Variants in TDRD5 observed in about 807,000 individuals in gnomAD.
The protein encoded by TDRD5 is tudor domain-containing protein 5.
Under a neutral mutation model 120.6 loss-of-function variants are expected in TDRD5, and 41 were observed. That is an observed-to-expected ratio of 0.34 (90% CI 0.26 to 0.44). TDRD5 has a LOEUF of 0.44. TDRD5 is among the 20% of genes least tolerant of loss of function. The pLI is 1.00. For synonymous variants in TDRD5, 430 were observed against 433.7 expected (o/e 0.99, Z 0.11); for missense variants, 1,006 against 1,221.2 (o/e 0.82, Z 2.63).
At chr1:179,638,268 G>T (rs1677878223) in intron 9 of TDRD5, among the ~76,000 whole-genome samples, 1 of 128,006 alleles carries the variant, frequency 7.8e-6, no homozygotes, top group Non-Finnish European at 1.7e-5. Context: ...TAGAAAGGAA[G>T]AGATAAATTG....
intron 17 of TDRD5, among the ~76,000 whole-genome samples, chr1:179,688,921 T>G (rs1374007105): frequency 6.6e-6 from 1 of 152,248 alleles, no homozygotes; most frequent in African/African-American, 2.4e-5. Context: ...TTCTCTATGA[T>G]GTTTATTCTA....
intron 14 of TDRD5, among the ~76,000 whole-genome samples, chr1:179,660,752 G>T (rs1558414383): frequency 6.6e-6 from 1 of 152,040 alleles, no homozygotes; most frequent in African/African-American, 2.4e-5. Context: ...GAGAATAGTT[G>T]TTATATATAC....
chr1:179,626,253 A>G (rs954587755), intron 6 of TDRD5, among the ~76,000 whole-genome samples: 2 of 152,210 alleles, frequency 1.3e-5, no homozygotes, highest in South Asian at 2.1e-4. Context: ...AACAGCTGAT[A>G]CATGAACCAG....
chr1:179,671,359 T>A (rs922758033), intron 17 of TDRD5, among the ~76,000 whole-genome samples: 6 of 152,220 alleles, frequency 3.9e-5, no homozygotes, highest in African/African-American at 1.2e-4. Flanking sequence ...CTTGTCAGTA[T>A]CTGCACAAAG....
At chr1:179,609,888 T>C (rs1676190251) in intron 4 of TDRD5, among the ~76,000 whole-genome samples, 1 of 152,148 alleles carries the variant, frequency 6.6e-6, no homozygotes, top group Admixed American at 6.5e-5. Flanking sequence ...TCTGTGTCAC[T>C]CCTCCTTTTC....
intron 14 of TDRD5, among the ~76,000 whole-genome samples, chr1:179,659,764 C>T (rs1036900921): frequency 6.6e-6 from 1 of 152,014 alleles, no homozygotes; most frequent in Non-Finnish European, 1.5e-5. Flanking sequence ...ATGGCATGAT[C>T]TCAGCTCACC....
intron 17 of TDRD5, among the ~76,000 whole-genome samples, chr1:179,677,821 T>C (rs1326561734): frequency 1.3e-5 from 2 of 152,208 alleles, no homozygotes; most frequent in Non-Finnish European, 2.9e-5. Context: ...ACTGGCTTTG[T>C]GTTGGTTGAC....
intron 13 of TDRD5, 64 bp downstream of exon 13, chr1:179,652,261 T>C: frequency 6.8e-7 from 1 of 1,471,464 alleles, no homozygotes; most frequent in Non-Finnish European, 9.0e-7. Flanking sequence ...TTTTTTTAGA[T>C]GAAGAAACCA....
intron 17 of TDRD5, among the ~76,000 whole-genome samples, chr1:179,683,483 T>TA (rs1415161471): frequency 2.6e-5 from 4 of 152,234 alleles, no homozygotes; most frequent in Admixed American, 2.0e-4. Context: ...ATAGACACTA[T>TA]AGTTTTATGA....
chr1:179,676,679 A>G (rs1680162139), intron 17 of TDRD5, among the ~76,000 whole-genome samples: 1 of 152,238 alleles, frequency 6.6e-6, no homozygotes, highest in South Asian at 2.1e-4. Flanking sequence ...ATAGGACCCC[A>G]GTCCCTTCTA....
chr1:179,592,510 A>C (rs4652418), intron 1 of TDRD5, 92 bp from the exon 2 acceptor site: 714,574 of 968,488 alleles, frequency 0.74, 265,102 homozygotes, highest in East Asian at 0.85. Flanking sequence ...TTAAAACTGG[A>C]GTCTCAGTTA....
chr1:179,669,983 T>C (rs927690592), intron 17 of TDRD5, among the ~76,000 whole-genome samples: 1 of 152,264 alleles, frequency 6.6e-6, no homozygotes, highest in Non-Finnish European at 1.5e-5. Context: ...ATTTACCTGT[T>C]TACCAGTTAA....
At chr1:179,604,656 G>A (rs1002105388) in intron 4 of TDRD5, among the ~76,000 whole-genome samples, 3 of 151,948 alleles carry the variant, frequency 2.0e-5, no homozygotes, top group Non-Finnish European at 4.4e-5. Context: ...TTCAGGAGCA[G>A]GTAATTTTCC....
chr1:179,641,446 C>T (rs1678043161), intron 11 of TDRD5, among the ~76,000 whole-genome samples: 1 of 151,906 alleles, frequency 6.6e-6, no homozygotes, highest in Non-Finnish European at 1.5e-5. Context: ...AGGATAATTG[C>T]TTGAACCCGG....
intron 4 of TDRD5, among the ~76,000 whole-genome samples, chr1:179,597,332 C>CTTTTTTTTTTTTTTTTT (rs945509784): frequency 5.5e-4 from 69 of 125,536 alleles, no homozygotes; most frequent in South Asian, 7.9e-4. Flanking sequence ...TTCTTTTTTT[C>CTTTTTTTTTTTTTTTTT]TTTTTTTTTT....
intron 13 of TDRD5, among the ~76,000 whole-genome samples, 163 bp from the exon 14 acceptor site, chr1:179,654,038 A>G (rs767336674): frequency 1.3e-5 from 2 of 152,204 alleles, no homozygotes; most frequent in Non-Finnish European, 1.5e-5. Context: ...GGCCGGAACT[A>G]GGGTAGCAGG....
Position 179,639,873 on chromosome 1 carries a change from T to C in TDRD5, c.1555T>C (p.Tyr519His). Residue 519 changes from tyrosine to histidine, a missense_variant, in exon 10 of 18, where the codon TAT becomes CAT. Tyr to His is a moderately conservative substitution (Grantham distance 83). Transcript: ENST00000444136. Reference protein sequence around the residue: ...CYSNQLVSDRYVMPECFIQPG... With the variant: ...CYSNQLVSDRHVMPECFIQPG... ...TTCTAATCAGCTGGTTTCTGATCGATATGTCATGCCAGAATGTTTTATTCA... is the reference window on the plus strand; with the variant it reads ...TTCTAATCAGCTGGTTTCTGATCGACATGTCATGCCAGAATGTTTTATTCA... 6.2e-7 allele frequency: 1 copy of C among 1,614,158 alleles called. No individual in the cohort carries two copies. Among genetic ancestry groups the C allele is most frequent in the Non-Finnish European group, 8.5e-7 (1 of 1,180,016 alleles).
At chr1:179,677,317 G>A (rs1202900409) in intron 17 of TDRD5, among the ~76,000 whole-genome samples, 1 of 151,948 alleles carries the variant, frequency 6.6e-6, no homozygotes, top group Non-Finnish European at 1.5e-5. Flanking sequence ...TCCTTGATTA[G>A]CTTGATAATC....
intron 11 of TDRD5, among the ~76,000 whole-genome samples, chr1:179,647,936 G>C (rs1374435103): frequency 2.6e-5 from 4 of 151,252 alleles, no homozygotes; most frequent in South Asian, 2.1e-4. Context: ...TCATTAAAAA[G>C]TCAGGAAACA....
Sources: gnomAD v4.1 joint callset for allele counts (sites outside exome capture counted in the v4.1 genomes callset) on GRCh38, gnomAD v4.1.1 for gene constraint, MANE v1.5 for transcripts, NCBI Gene and HGNC (gene_info 2026-07-23, HGNC 2026-07-21) for gene names.